Variants in ITGBL1 observed in about 807,000 individuals in gnomAD.
The protein encoded by ITGBL1 is integrin beta-like protein 1.
In ITGBL1, 51 loss-of-function variants were observed where a neutral mutation model predicts 68.5. The ratio of observed to expected loss-of-function variants is 0.74; its 90% CI spans 0.59 to 0.94. The LOEUF (loss-of-function observed/expected upper bound fraction) is 0.94. ITGBL1 is among the 40% of genes least tolerant of loss of function. ITGBL1 has a pLI of 0.00. For synonymous variants in ITGBL1, 209 were observed against 227.3 expected, an observed-to-expected ratio of 0.92 and a Z score of 0.72; for missense variants, 649 against 647.4, an observed-to-expected ratio of 1.00 and a Z score of -0.03.
rs199555476 is a variant in ITGBL1 at position 101,598,223 on chromosome 13, A to G, written c.939A>G (p.Pro313=). The change falls in exon 7 of 11, where the codon CCA becomes CCG. Residue 313 remains proline (P), a synonymous_variant. Coordinates refer to ENST00000376180, the MANE Select transcript of ITGBL1 (RefSeq NM_004791.3). ...GGTATGGGAAGAAGTGTGAGCACCCACAGTCCTGCACGCTGTCAGCTGAGG... is the reference window on the plus strand; with the variant it reads ...GGTATGGGAAGAAGTGTGAGCACCCGCAGTCCTGCACGCTGTCAGCTGAGG... ...AGWYGKKCEH[P]QSCTLSAEES... The G allele has an allele frequency of 5.0e-6, 8 of 1,613,852 alleles. No individual in the cohort carries two copies. In the Admixed American group the frequency reaches 1.2e-4, roughly 24 times the overall value.
chr13:101,644,879 A>G (rs1400319448), intron 7 of ITGBL1, among the ~76,000 whole-genome samples: 3 of 152,232 alleles, frequency 2.0e-5, no homozygotes, highest in African/African-American at 7.2e-5. Flanking sequence ...TAATACCTTA[A>G]GAACTAGATT....
At chr13:101,617,035 C>G (rs1446235989) in intron 7 of ITGBL1, among the ~76,000 whole-genome samples, 1 of 152,096 alleles carries the variant, frequency 6.6e-6, no homozygotes, top group East Asian at 1.9e-4. Flanking sequence ...TATAAAAGGG[C>G]TCCATAATAT....
At chr13:101,498,080 A>G (rs2048883530) in intron 2 of ITGBL1, among the ~76,000 whole-genome samples, 1 of 152,096 alleles carries the variant, frequency 6.6e-6, no homozygotes, top group East Asian at 1.9e-4. Context: ...TACTCCTGGT[A>G]TGCACATCTT....
intron 7 of ITGBL1, among the ~76,000 whole-genome samples, chr13:101,640,427 G>A (rs924717497): frequency 3.9e-5 from 6 of 152,020 alleles, no homozygotes; most frequent in Non-Finnish European, 5.9e-5. Flanking sequence ...ATTACACCAG[G>A]CACTCTCTTG....
rs549829323 is a variant in ITGBL1 at position 101,693,675 on chromosome 13, T to C, written c.1132+974T>C. Among the ~76,000 whole-genome samples, 8 of 150,156 alleles carry C rather than the reference T, an allele frequency of 5.3e-5. No individual in the cohort carries two copies. In the South Asian group the frequency reaches 1.5e-3, roughly 28 times the overall value. ...CTATCTATCTATCTATCATCTATTA[T>C]CTGTGTATCTATTATCTATCTATAT... is the stretch of plus-strand genomic sequence containing the variant. On this transcript the variant is annotated intron_variant, in intron 8 of 10. Transcript: ENST00000376180.
intron 3 of ITGBL1, among the ~76,000 whole-genome samples, chr13:101,569,127 C>T (rs1485791379): frequency 2.6e-5 from 4 of 151,930 alleles, no homozygotes; most frequent in Admixed American, 6.6e-5. Context: ...CACACGCGCA[C>T]GCGCGCGCAT....
At chr13:101,556,278 A>C (rs1180287668) in intron 2 of ITGBL1, among the ~76,000 whole-genome samples, 1 of 152,222 alleles carries the variant, frequency 6.6e-6, no homozygotes, top group Non-Finnish European at 1.5e-5. Flanking sequence ...GAGATAATTT[A>C]TTAAGTTGAG....
rs532841477 is a variant in ITGBL1 at position 101,496,962 on chromosome 13, A to G, written c.316+42862A>G. The stretch of plus-strand genomic sequence containing the variant: ...GGAAAGCCTGGGATGTTGTAGTATC[A>G]GGCATGTAGATCATAGTAAAGGGGA... On this transcript the variant is annotated intron_variant, in intron 2 of 10. Coordinates refer to ENST00000376180, the MANE Select transcript of ITGBL1 (RefSeq NM_004791.3). 2.0e-5 allele frequency among the ~76,000 whole-genome samples: 3 copies of G among 152,314 alleles called. No homozygotes were observed. The East Asian group carries it at 5.8e-4, about 29-fold the overall frequency.
intron 7 of ITGBL1, among the ~76,000 whole-genome samples, chr13:101,643,961 C>T (rs969184951): frequency 5.9e-5 from 9 of 152,158 alleles, no homozygotes; most frequent in Admixed American, 4.6e-4. Flanking sequence ...GCCCACACAA[C>T]GTTAGCTCCA....
chr13:101,707,176 C>T (rs2034281564), intron 9 of ITGBL1, among the ~76,000 whole-genome samples: 1 of 152,004 alleles, frequency 6.6e-6, no homozygotes, highest in South Asian at 2.1e-4. Flanking sequence ...GAAATTAGGA[C>T]AACAAAATAT....
chr13:101,545,553 T>C (rs2049805215), intron 2 of ITGBL1, among the ~76,000 whole-genome samples: 1 of 152,186 alleles, frequency 6.6e-6, no homozygotes, highest in Non-Finnish European at 1.5e-5. Flanking sequence ...CTTTTATCTG[T>C]AGACAGGGAA....
rs1260285287 is a variant in ITGBL1, at chr13:101,604,845, A to AAC, written c.1015+6547_1015+6548insCA. Among the ~76,000 whole-genome samples, 137 of 29,368 alleles carry AAC rather than the reference A, an allele frequency of 4.7e-3. 1 individual carries two copies. The highest frequency in any genetic ancestry group is 0.031 in the Middle Eastern group (1 of 32). The allele number at this position is 29,368 out of a possible 152,430, so 19.3% of individuals were successfully genotyped here. A position where few individuals can be genotyped will look rare whatever the true frequency, so the allele number is the denominator to read the frequency against. ...AGTTTGTCAGGGACCAGGTGAAGGC[A>AAC]ATATATATATATATATATATATATA... On this transcript the variant is annotated intron_variant, in intron 7 of 10. Transcript: ENST00000376180.
At chr13:101,566,568 T>C (rs1294791905) in intron 2 of ITGBL1, among the ~76,000 whole-genome samples, 1 of 152,112 alleles carries the variant, frequency 6.6e-6, no homozygotes, top group Non-Finnish European at 1.5e-5. Flanking sequence ...AAGAGCAGTT[T>C]TAAAGTCACA....
At chr13:101,678,530 C>T (rs915916206) in intron 7 of ITGBL1, among the ~76,000 whole-genome samples, 1 of 145,720 alleles carries the variant, frequency 6.9e-6, no homozygotes, top group Admixed American at 6.9e-5. Context: ...GATGGAGTCT[C>T]ATTCTGTCAC....
Position 101,710,930 on chromosome 13 carries a change from T to C in ITGBL1, c.1280-3508T>C, listed in dbSNP as rs553614396. On this transcript the variant is annotated intron_variant, in intron 9 of 10. Coordinates refer to ENST00000376180, the MANE Select transcript of ITGBL1 (RefSeq NM_004791.3). ...ATAACAGATGGAGTAGTTAGTACAA[T>C]AGTGAAAACTGCCTGCTGGGATGTC... The C allele has an allele frequency of 2.0e-5, 3 of 152,272 alleles. No individual in the cohort carries two copies. The South Asian group carries it at 6.2e-4, about 32-fold the overall frequency. 9.4% of individuals were successfully genotyped at this position (152,272 alleles called of 1,614,324 possible). A position where few individuals can be genotyped will look rare whatever the true frequency, so the allele number is the denominator to read the frequency against.
Position 101,702,209 on chromosome 13 carries a change from C to G in ITGBL1, c.1133-4547C>G, listed in dbSNP as rs143429100. Among the ~76,000 whole-genome samples the G allele has an allele frequency of 6.2e-4, 95 of 152,172 alleles. 1 individual carries two copies. In the East Asian group the frequency reaches 0.014, roughly 23 times the overall value. The stretch of plus-strand genomic sequence containing the variant: ...TCCATAAGGTAAGATATAATCATCT[C>G]TCTCTTAATTTTCATATTGAACATT... On this transcript the variant is annotated intron_variant, in intron 8 of 10. Coordinates refer to ENST00000376180, the MANE Select transcript of ITGBL1 (RefSeq NM_004791.3).
intron 7 of ITGBL1, among the ~76,000 whole-genome samples, chr13:101,643,162 C>G (rs989233494): frequency 2.6e-5 from 4 of 151,736 alleles, no homozygotes; most frequent in Admixed American, 2.6e-4. Context: ...GGCAGTATGG[C>G]CATTTTCATG....
chr13:101,480,442 TAACAC>T (rs1351667522), intron 2 of ITGBL1, among the ~76,000 whole-genome samples: 1 of 151,848 alleles, frequency 6.6e-6, no homozygotes, highest in Non-Finnish European at 1.5e-5. Flanking sequence ...TTCCATTTGA[TAACAC>T]AAATACTAGA....
intron 2 of ITGBL1, among the ~76,000 whole-genome samples, chr13:101,522,489 G>T (rs527526001): frequency 4.3e-4 from 65 of 152,244 alleles, no homozygotes; most frequent in African/African-American, 1.6e-3. Context: ...CTTTTGAGAA[G>T]AAATATACCT....
Sources: gnomAD v4.1 joint callset for allele counts (sites outside exome capture counted in the v4.1 genomes callset) on GRCh38, gnomAD v4.1.1 for gene constraint, MANE v1.5 for transcripts, NCBI Gene and HGNC (gene_info 2026-07-23, HGNC 2026-07-21) for gene names.